Variants in POLA1 observed in about 807,000 individuals in gnomAD.
The protein encoded by POLA1 is DNA polymerase alpha 1, catalytic subunit, also known as DNA polymerase alpha catalytic subunit.
A neutral mutation model predicts 124.0 loss-of-function variants in POLA1; 15 were observed. The observed-to-expected ratio is 0.12, with a 90% CI of 0.08 to 0.19. The LOEUF is 0.19. Among genes scored for constraint, POLA1 ranks in the 10% least tolerant of loss-of-function variants. The probability of loss-of-function intolerance (pLI) is 1.00; values close to 1 mark genes in which losing one functional copy is unlikely to be tolerated. For missense variants in POLA1, 886 were observed against 1,103.4 expected (o/e 0.80, Z 2.79); for synonymous variants, 408 against 389.4 (o/e 1.05, Z -0.56).
intron 36 of POLA1, among the ~76,000 whole-genome samples, chrX:24,972,219 C>T (rs1046627727): frequency 1.8e-5 from 2 of 111,951 alleles, no homozygotes; most frequent in African/African-American, 6.5e-5. Context: ...GATCCACCCT[C>T]CTTGGCCTCC....
At chrX:24,817,761 GT>G (rs2046017894) in intron 30 of POLA1, among the ~76,000 whole-genome samples, 1 of 110,804 alleles carries the variant, frequency 9.0e-6, no homozygotes, top group Non-Finnish European at 1.9e-5. Flanking sequence ...TCTATTTACA[GT>G]AAGCTATTCA....
intron 26 of POLA1, among the ~76,000 whole-genome samples, chrX:24,797,090 C>G (rs1234235215): frequency 9.0e-6 from 1 of 111,087 alleles, no homozygotes; most frequent in Non-Finnish European, 1.9e-5. Flanking sequence ...GACACTGCCC[C>G]CCTCAAGTAT....
In POLA1 at chrX:24,745,578, TAAA is replaced by T. The variant is rs755330152; in HGVS notation, c.2691+41_2691+43del. On this transcript the variant is annotated intron_variant, in intron 24 of 36. Coordinates refer to ENST00000379068, the MANE Select transcript of POLA1 (RefSeq NM_001330360.2). The stretch of plus-strand genomic sequence containing the variant: ...AACCTGGGACTCTTGAAATTGAGTT[TAAA>T]AAAATTGCTTAAAGAAGGAAGATCT... The T allele has an allele frequency of 2.0e-5, 20 of 1,024,971 alleles. No individual in the cohort carries two copies. In the African/African-American group the frequency reaches 3.4e-4, roughly 18 times the overall value. 84.5% of individuals were successfully genotyped at this position (1,024,971 alleles called of 1,213,427 possible). A position where few individuals can be genotyped will look rare whatever the true frequency, so the allele number is the denominator to read the frequency against.
At chrX:24,936,354 A>G (rs1038974014) in intron 36 of POLA1, among the ~76,000 whole-genome samples, 8 of 111,961 alleles carry the variant, frequency 7.1e-5, no homozygotes, top group Admixed American at 1.9e-4. Context: ...TGAAAGCAGG[A>G]AAGTTTCATC....
At chrX:24,790,493 G>A (rs2045469866) in intron 26 of POLA1, among the ~76,000 whole-genome samples, 1 of 111,225 alleles carries the variant, frequency 9.0e-6, no homozygotes, top group African/African-American at 3.3e-5. Flanking sequence ...GACACTGTTC[G>A]TTGCCTTTCT....
intron 26 of POLA1, among the ~76,000 whole-genome samples, chrX:24,781,701 GC>G (rs2045267745): frequency 9.0e-6 from 1 of 111,441 alleles, no homozygotes; most frequent in African/African-American, 3.3e-5. Context: ...GATTTTGAGT[GC>G]TTTTGCTTGT....
chrX:24,729,914 C>T (rs1930788815), intron 15 of POLA1, among the ~76,000 whole-genome samples: 1 of 110,483 alleles, frequency 9.1e-6, no homozygotes, highest in Admixed American at 9.7e-5. Context: ...CAGTGATTCT[C>T]CTGCCTCAGC....
chrX:24,843,304 A>G (rs187199325), intron 33 of POLA1, among the ~76,000 whole-genome samples: 132 of 111,969 alleles, frequency 1.2e-3, no homozygotes, highest in African/African-American at 4.1e-3. Flanking sequence ...AGTGAATGTA[A>G]AATAGTGATT....
chrX:24,920,843 T>C (rs1267831078), intron 35 of POLA1, among the ~76,000 whole-genome samples: 1 of 112,500 alleles, frequency 8.9e-6, no homozygotes, highest in Non-Finnish European at 1.9e-5. Context: ...TCCTTTGGCA[T>C]ACTGTGATTT....
rs144192150 is a variant in POLA1 at position 24,857,608 on chromosome X, A to T, written c.4047+13931A>T. On this transcript the variant is annotated intron_variant, in intron 34 of 36. Coordinates refer to ENST00000379068, the MANE Select transcript of POLA1 (RefSeq NM_001330360.2). ...AGTTTTCAGCTTATGGGTCCTGTAC[A>T]TGTTTTGTTAGATTTATATACCTAA... 5.1e-3 allele frequency among the ~76,000 whole-genome samples: 573 copies of T among 111,284 alleles called. 3 individuals are homozygous for T. The highest frequency in any genetic ancestry group is 7.1e-3 in the Non-Finnish European group (375 of 52,977).
intron 35 of POLA1, 62 bp downstream of exon 35, chrX:24,888,184 A>G (rs1296266125): frequency 8.9e-6 from 6 of 671,946 alleles, no homozygotes; most frequent in Non-Finnish European, 1.5e-5. Context: ...TTGCTTTGAG[A>G]AGTAGATACT....
chrX:24,980,490 CT>C (rs2048409046), intron 36 of POLA1, among the ~76,000 whole-genome samples: 1 of 111,995 alleles, frequency 8.9e-6, no homozygotes, highest in African/African-American at 3.2e-5. Context: ...ATGTTTCCTT[CT>C]TTGTGTAATG....
chrX:24,906,731 C>T (rs1404946488), intron 35 of POLA1, among the ~76,000 whole-genome samples: 2 of 109,781 alleles, frequency 1.8e-5, no homozygotes, highest in African/African-American at 6.6e-5. Flanking sequence ...TCTCCACCCT[C>T]CTGGGGGAAA....
chrX:24,724,049 G>A, intron 11 of POLA1, among the ~76,000 whole-genome samples: 1 of 112,429 alleles, frequency 8.9e-6, no homozygotes, highest in Middle Eastern at 4.6e-3. Flanking sequence ...CAGTTGAACT[G>A]TGGAGTCTCT....
At chrX:24,876,036 A>C (rs184520187) in intron 34 of POLA1, among the ~76,000 whole-genome samples, 1 of 112,132 alleles carries the variant, frequency 8.9e-6, no homozygotes, top group East Asian at 2.8e-4. Flanking sequence ...TTCTGATAAA[A>C]CTTTTCTAAT....
intron 34 of POLA1, among the ~76,000 whole-genome samples, chrX:24,881,090 C>T (rs1483910619): frequency 8.9e-6 from 1 of 111,890 alleles, no homozygotes; most frequent in Non-Finnish European, 1.9e-5. Context: ...CCGTCTATAT[C>T]TTCACTATAT....
rs777746697 is a variant in POLA1 at position 24,748,855 on chromosome X, CTG to C, written c.2842-10_2842-9del. 1 of 1,205,699 alleles carries C rather than the reference CTG, an allele frequency of 8.3e-7. No homozygotes were observed. The highest frequency in any genetic ancestry group is 2.2e-5 in the Admixed American group (1 of 45,919). The stretch of plus-strand genomic sequence containing the variant: ...TAAATGTTGTTGTTTGTCTTTTGTT[CTG>C]TGTGGCCTGCAGTATGACATTCGAC... On this transcript the variant is annotated splice_polypyrimidine_tract_variant and intron_variant, in intron 25 of 36. Coordinates refer to ENST00000379068, the MANE Select transcript of POLA1 (RefSeq NM_001330360.2).
chrX:24,864,189 C>T (rs1345954280), intron 34 of POLA1, among the ~76,000 whole-genome samples: 1 of 110,464 alleles, frequency 9.1e-6, no homozygotes, highest in Non-Finnish European at 1.9e-5. Context: ...GCCATGTTGG[C>T]CAGGCTGGTC....
chrX:24,918,114 CA>C (rs1569362000), intron 35 of POLA1, among the ~76,000 whole-genome samples: 1 of 107,869 alleles, frequency 9.3e-6, no homozygotes, highest in Non-Finnish European at 1.9e-5. Flanking sequence ...TACCAAAAAG[CA>C]AAGTTTGAGG....
Sources: allele counts gnomAD v4.1 joint callset (sites outside exome capture counted in the v4.1 genomes callset), GRCh38; gene constraint gnomAD v4.1.1; transcripts MANE v1.5; gene names NCBI Gene and HGNC (gene_info 2026-07-23, HGNC 2026-07-21).